Variants in LRRC7 observed in about 807,000 individuals in gnomAD.
The protein encoded by LRRC7 is leucine rich repeat containing 7, also known as leucine-rich repeat-containing protein 7.
LRRC7 carries 23 observed loss-of-function variants against 175.7 expected under a neutral mutation model. The ratio of observed to expected loss-of-function variants is 0.13; its 90% CI spans 0.09 to 0.19. The LOEUF (loss-of-function observed/expected upper bound fraction) is 0.19, where lower values mean the gene tolerates loss of function less well. Among genes scored for constraint, LRRC7 ranks in the 10% least tolerant of loss-of-function variants. The pLI is 1.00. For missense variants in LRRC7, 1,354 were observed against 1,904.7 expected, an observed-to-expected ratio of 0.71 and a Z score of 5.38; for synonymous variants, 685 against 680.9, an observed-to-expected ratio of 1.01 and a Z score of -0.09.
chr1:70,015,671 A>G (rs1656902829), intron 13 of LRRC7, among the ~76,000 whole-genome samples: 1 of 152,206 alleles, frequency 6.6e-6, no homozygotes. Flanking sequence ...TTGGCCCTCC[A>G]AAGGCTGAAG....
chr1:69,977,616 GCT>G (rs2101881596), intron 8 of LRRC7, among the ~76,000 whole-genome samples: 1 of 152,216 alleles, frequency 6.6e-6, no homozygotes, highest in South Asian at 2.1e-4. Flanking sequence ...GCTTCCTTGT[GCT>G]AAGGGTGAGG....
chr1:69,889,870 A>G (rs549506370), intron 7 of LRRC7, among the ~76,000 whole-genome samples: 1 of 151,660 alleles, frequency 6.6e-6, no homozygotes, highest in African/African-American at 2.4e-5. Context: ...GAGGAAAGAA[A>G]TCACTTTCTT....
intron 7 of LRRC7, among the ~76,000 whole-genome samples, chr1:69,906,953 T>C (rs1340644348): frequency 2.0e-5 from 3 of 152,246 alleles, no homozygotes; most frequent in African/African-American, 7.2e-5. Context: ...TGGTTTGTAG[T>C]TCTCCTTGAA....
At chr1:69,969,607 A>T (rs11488200) in intron 8 of LRRC7, among the ~76,000 whole-genome samples, 14,765 of 152,130 alleles carry the variant, frequency 0.097, 1,725 homozygotes, top group African/African-American at 0.28. Flanking sequence ...CGCACCTAAC[A>T]CTGGAGCTCC....
intron 8 of LRRC7, among the ~76,000 whole-genome samples, chr1:69,955,477 G>A (rs1191689818): frequency 6.6e-6 from 1 of 151,954 alleles, no homozygotes; most frequent in African/African-American, 2.4e-5. Context: ...TGGCTGCCAT[G>A]CAGATTGAGA....
chr1:69,637,972 G>A (rs903353385), intron 1 of LRRC7, among the ~76,000 whole-genome samples: 1 of 151,776 alleles, frequency 6.6e-6, no homozygotes, highest in African/African-American at 2.4e-5. Context: ...GGCCAGTTTT[G>A]CAAAGAGAGA....
intron 26 of LRRC7, among the ~76,000 whole-genome samples, chr1:70,112,372 C>G (rs959527056): frequency 6.6e-6 from 1 of 152,200 alleles, no homozygotes; most frequent in Non-Finnish European, 1.5e-5. Flanking sequence ...TTCCACTCCA[C>G]ATCCTGATTA....
chr1:70,082,590 A>G (rs1214516621), intron 24 of LRRC7, among the ~76,000 whole-genome samples: 2 of 152,080 alleles, frequency 1.3e-5, no homozygotes, highest in African/African-American at 2.4e-5. Flanking sequence ...CACTAAATAC[A>G]TATTATCTTG....
At chr1:69,717,849 G>GA (rs1393598159) in intron 2 of LRRC7, among the ~76,000 whole-genome samples, 1 of 31,480 alleles carries the variant, frequency 3.2e-5, no homozygotes, top group Admixed American at 4.3e-4. Flanking sequence ...AAAAAAGAAA[G>GA]AAAGGAAAGA....
chr1:69,950,727 A>G (rs1178074386), intron 8 of LRRC7, among the ~76,000 whole-genome samples: 3 of 152,132 alleles, frequency 2.0e-5, no homozygotes, highest in Non-Finnish European at 4.4e-5. Context: ...TTTCAGAAAT[A>G]TGATACAGCC....
intron 1 of LRRC7, among the ~76,000 whole-genome samples, chr1:69,676,015 AC>A (rs1409007045): frequency 1.6e-4 from 23 of 143,866 alleles, no homozygotes; most frequent in African/African-American, 5.8e-4. Flanking sequence ...ATGCACACAC[AC>A]ACACACACAC....
At chr1:69,844,989 C>T (rs1682179658) in intron 7 of LRRC7, among the ~76,000 whole-genome samples, 1 of 152,098 alleles carries the variant, frequency 6.6e-6, no homozygotes, top group Non-Finnish European at 1.5e-5. Context: ...GGCCATGAGG[C>T]CTATAGTTCG....
rs967010172 is a variant in LRRC7 at position 69,662,969 on chromosome 1, T to A, written c.3-15412T>A. Among the ~76,000 whole-genome samples the A allele has an allele frequency of 1.2e-4, 18 of 152,338 alleles. No homozygotes were observed. The East Asian group carries it at 3.3e-3, about 28-fold the overall frequency. On this transcript the variant is annotated intron_variant, in intron 1 of 26. Coordinates refer to ENST00000651989, the MANE Select transcript of LRRC7 (RefSeq NM_001370785.2). The stretch of plus-strand genomic sequence containing the variant: ...CAGAGCCAAATAAGGAAATCTAGAA[T>A]TCTGAAGAGGTTTCTTGGTTTTAGG...
intron 23 of LRRC7, among the ~76,000 whole-genome samples, chr1:70,059,265 G>A (rs1385750307): frequency 2.0e-5 from 3 of 152,234 alleles, no homozygotes; most frequent in East Asian, 1.9e-4. Flanking sequence ...TGGATAACAA[G>A]GGTCAATATC....
At chr1:69,981,888 A>T (rs191471148) in intron 9 of LRRC7, among the ~76,000 whole-genome samples, 30 of 152,346 alleles carry the variant, frequency 2.0e-4, no homozygotes, top group Admixed American at 1.8e-3. Context: ...AATCCTATGA[A>T]GTAAGTTCTA....
At chr1:69,968,834 T>C (rs1242503446) in intron 8 of LRRC7, among the ~76,000 whole-genome samples, 2 of 152,110 alleles carry the variant, frequency 1.3e-5, no homozygotes, top group East Asian at 3.9e-4. Flanking sequence ...TTGTTTTTTT[T>C]TTGAGACATA....
At chr1:70,100,212 A>G (rs1484046479) in intron 25 of LRRC7, among the ~76,000 whole-genome samples, 1 of 152,142 alleles carries the variant, frequency 6.6e-6, no homozygotes. Context: ...CTAAAAAAGA[A>G]CAGCCCACAA....
intron 1 of LRRC7, among the ~76,000 whole-genome samples, chr1:69,675,607 G>A (rs1381200251): frequency 6.6e-6 from 1 of 151,998 alleles, no homozygotes; most frequent in East Asian, 1.9e-4. Context: ...ATAATTATAA[G>A]CTCACTTAAA....
intron 7 of LRRC7, among the ~76,000 whole-genome samples, chr1:69,846,137 T>C (rs1682340381): frequency 6.6e-6 from 1 of 152,286 alleles, no homozygotes; most frequent in South Asian, 2.1e-4. Context: ...TTAAAAGTAT[T>C]CTATAAATTA....
Sources: gnomAD v4.1 joint callset for allele counts (sites outside exome capture counted in the v4.1 genomes callset) on GRCh38, gnomAD v4.1.1 for gene constraint, MANE v1.5 for transcripts, NCBI Gene and HGNC (gene_info 2026-07-23, HGNC 2026-07-21) for gene names.